The following SHC3 variants were observed in gnomAD, a reference collection of about 807,000 sequenced individuals.
The protein encoded by SHC3 is SHC adaptor protein 3.
In SHC3, 15 loss-of-function variants were observed where a neutral mutation model predicts 60.4. The observed-to-expected ratio is 0.25, with a 90% confidence interval of 0.17 to 0.38. The LOEUF is 0.38. Ranked by LOEUF, SHC3 falls within the 10% of genes least tolerant of loss-of-function variation. The probability of loss-of-function intolerance (pLI) is 1.00; values close to 1 mark genes in which losing one functional copy is unlikely to be tolerated. For missense variants in SHC3, 677 were observed against 786.1 expected, an observed-to-expected ratio of 0.86 and a Z score of 1.66; for synonymous variants, 294 against 325.9, an observed-to-expected ratio of 0.90 and a Z score of 1.05.
At chr9:89,021,117 G>T (rs902781464) in intron 11 of SHC3, among the ~76,000 whole-genome samples, 1 of 152,218 alleles carries the variant, frequency 6.6e-6, no homozygotes, top group Non-Finnish European at 1.5e-5. Context: ...TAATATTCTA[G>T]CAGAATCAGG....
intron 1 of SHC3, among the ~76,000 whole-genome samples, chr9:89,136,755 ATTCT>A (rs1196706960): frequency 6.6e-6 from 1 of 152,122 alleles, no homozygotes. Flanking sequence ...TTTGCCTCGA[ATTCT>A]TTCTTGTGCG....
intron 1 of SHC3, among the ~76,000 whole-genome samples, chr9:89,134,512 A>G (rs951612688): frequency 6.6e-6 from 1 of 152,114 alleles, no homozygotes; most frequent in Non-Finnish European, 1.5e-5. Flanking sequence ...CTTGCCTTAC[A>G]GTTGAACTGA....
chr9:89,084,284 G>T (rs1407532490), intron 2 of SHC3, among the ~76,000 whole-genome samples: 1 of 152,138 alleles, frequency 6.6e-6, no homozygotes, highest in Non-Finnish European at 1.5e-5. Context: ...ACTCCAGAAA[G>T]GTGTTTAAAT....
At chr9:89,074,423 C>T (rs767862944) in intron 4 of SHC3, among the ~76,000 whole-genome samples, 1 of 152,070 alleles carries the variant, frequency 6.6e-6, no homozygotes, top group Non-Finnish European at 1.5e-5. Flanking sequence ...TTCAGAAGTG[C>T]CTTGTTGGTA....
intron 5 of SHC3, among the ~76,000 whole-genome samples, chr9:89,067,873 AAAG>A (rs1449539027): frequency 6.6e-6 from 1 of 152,248 alleles, no homozygotes; most frequent in Admixed American, 6.5e-5. Context: ...AGTATAAATA[AAAG>A]AAGTTTATTT....
chr9:89,056,739 A>C (rs1302828058), intron 6 of SHC3, among the ~76,000 whole-genome samples: 1 of 152,266 alleles, frequency 6.6e-6, no homozygotes, highest in African/African-American at 2.4e-5. Flanking sequence ...TTACGGGCTA[A>C]GATCGTCCTG....
At chr9:89,070,473 GC>G (rs1488684522) in intron 5 of SHC3, among the ~76,000 whole-genome samples, 1 of 152,140 alleles carries the variant, frequency 6.6e-6, no homozygotes, top group Non-Finnish European at 1.5e-5. Flanking sequence ...TGTGGATTCC[GC>G]CCTGTCCCGG....
intron 2 of SHC3, chr9:89,110,156 C>T (rs1259297924): frequency 6.1e-6 from 6 of 985,278 alleles, no homozygotes; most frequent in African/African-American, 1.7e-5. Flanking sequence ...AGATTTTATA[C>T]ATATTCCTGG....
At chr9:89,105,188 T>C (rs995802518) in intron 2 of SHC3, among the ~76,000 whole-genome samples, 2 of 152,186 alleles carry the variant, frequency 1.3e-5, no homozygotes, top group Non-Finnish European at 2.9e-5. Flanking sequence ...TCTGTACTTG[T>C]GGGGTTTGCC....
chr9:89,006,485 G>C lies in SHC3; in HGVS notation c.*6962C>G, dbSNP rs1029659040. The C allele has an allele frequency of 3.3e-5, 5 of 152,262 alleles. No homozygotes were observed. The highest frequency in any genetic ancestry group is 7.3e-5 in the Non-Finnish European group (5 of 68,050). 9.4% of individuals were successfully genotyped at this position (152,262 alleles called of 1,614,324 possible). On this transcript the variant is annotated 3_prime_UTR_variant, in exon 12 of 12. Coordinates refer to ENST00000375835, the MANE Select transcript of SHC3 (RefSeq NM_016848.6). ...GTTCTGTTCCAGCACAAAGTAGAAA[G>C]TGGTGAATTGGCAATACGCCAAGAC...
intron 4 of SHC3, among the ~76,000 whole-genome samples, chr9:89,071,937 A>G (rs367913521): frequency 1.3e-5 from 2 of 152,362 alleles, no homozygotes; most frequent in African/African-American, 4.8e-5. Context: ...GGATCAAGCC[A>G]GGACACTCTC....
At chr9:89,083,176 T>C (rs1443820553) in intron 2 of SHC3, among the ~76,000 whole-genome samples, 3 of 151,752 alleles carry the variant, frequency 2.0e-5, no homozygotes, top group Non-Finnish European at 4.4e-5. Flanking sequence ...GCCTTCAGAG[T>C]AGTGGAGGAG....
chr9:89,178,086 C>A lies in SHC3; in HGVS notation c.375G>T (p.Arg125Ser). ...GCGGCTCGTCGCCGGGCCGGCCCTT[C>A]CTGGCGGCGCTCATGGCCGGGGCGC... ...APRAPAMSAA[R>S]KGRPGDEPLP... is the part of the protein sequence containing the mutation. The change falls in exon 1 of 12, where the codon AGG becomes AGT. Residue 125 changes from arginine to serine, a missense_variant. Physicochemically the swap from Arg to Ser is moderately radical, Grantham distance 110. Transcript: ENST00000375835. This position sits in a 1 kb window ranked among gnomAD's most constrained non-coding sequence, Gnocchi z 6.9. 8.4e-7 allele frequency: 1 copy of A among 1,187,938 alleles called. No homozygotes were observed. Among genetic ancestry groups the A allele is most frequent in the Non-Finnish European group, 1.0e-6 (1 of 959,980 alleles). 73.6% of individuals were successfully genotyped at this position (1,187,938 alleles called of 1,614,324 possible). A position where few individuals can be genotyped will look rare whatever the true frequency, so the allele number is the denominator to read the frequency against.
intron 7 of SHC3, among the ~76,000 whole-genome samples, chr9:89,051,386 G>A (rs1824859011): frequency 6.6e-6 from 1 of 152,040 alleles, no homozygotes. Context: ...GATAGAACCT[G>A]AACATTTTTT....
intron 11 of SHC3, among the ~76,000 whole-genome samples, chr9:89,032,396 A>C (rs989885552): frequency 2.0e-5 from 3 of 152,154 alleles, no homozygotes; most frequent in Non-Finnish European, 4.4e-5. Flanking sequence ...CAGGAAACCC[A>C]CCCACCAGCG....
intron 1 of SHC3, among the ~76,000 whole-genome samples, chr9:89,114,876 C>T (rs902521945): frequency 5.9e-5 from 9 of 152,138 alleles, no homozygotes; most frequent in Middle Eastern, 6.8e-3. Flanking sequence ...GAATATAATC[C>T]CCACCAGTAT....
intron 11 of SHC3, 22 bp from the exon 12 acceptor site, chr9:89,013,597 G>A (rs200636426): frequency 6.2e-7 from 1 of 1,604,048 alleles, no homozygotes; most frequent in Admixed American, 1.7e-5. Context: ...GCAAAGGAAA[G>A]GTTAAGCACA....
At chr9:89,061,194 C>T (rs1025010979) in intron 6 of SHC3, among the ~76,000 whole-genome samples, 15 of 152,168 alleles carry the variant, frequency 9.9e-5, no homozygotes, top group African/African-American at 2.4e-4. Context: ...CATTCGATGG[C>T]ATATTTAACC....
intron 1 of SHC3, among the ~76,000 whole-genome samples, chr9:89,134,621 T>C (rs1234264818): frequency 6.6e-5 from 10 of 152,122 alleles, no homozygotes; most frequent in Non-Finnish European, 1.2e-4. Flanking sequence ...GTGACTTTAA[T>C]AGTGGCTGTC....
Sources: gnomAD v4.1 joint callset for allele counts (sites outside exome capture counted in the v4.1 genomes callset) on GRCh38, gnomAD v4.1.1 for gene constraint, Gnocchi (gnomAD v3.1) non-coding constraint, MANE v1.5 for transcripts, NCBI Gene and HGNC (gene_info 2026-07-23, HGNC 2026-07-21) for gene names.